Variants in LRFN3 observed in about 807,000 individuals in gnomAD.
LRFN3 encodes the protein leucine-rich repeat and fibronectin type-III domain-containing protein 3.
In LRFN3, 8 loss-of-function variants were observed where a neutral mutation model predicts 23.8. The ratio of observed to expected loss-of-function variants is 0.34; its 90% CI spans 0.20 to 0.61. The LOEUF is 0.61. LRFN3 is among the 20% of genes least tolerant of loss of function. The pLI is 0.80. For missense variants in LRFN3, 736 were observed against 935.3 expected (o/e 0.79, Z 2.78); for synonymous variants, 451 against 450.6 (o/e 1.00, Z -0.01).
chr19:35,940,313 C>T lies in LRFN3; in HGVS notation c.888C>T (p.Pro296=), dbSNP rs373435929. Reference sequence around the variant, plus strand: ...AGGAGGAGTTTGTCTGCGAGCCGCCCGTGGTGACTCACCGCTCACCACCTC... The same window carrying T: ...AGGAGGAGTTTGTCTGCGAGCCGCCTGTGGTGACTCACCGCTCACCACCTC... ...VGEEEFVCEP[P]VVTHRSPPLA... Residue 296 remains proline, a synonymous_variant, in exon 2 of 3, where the codon CCC becomes CCT. Coordinates refer to ENST00000246529, the MANE Select transcript of LRFN3 (RefSeq NM_024509.2). 1.1e-4 allele frequency: 180 copies of T among 1,588,652 alleles called. No homozygotes were observed. The highest frequency in any genetic ancestry group is 6.0e-4 in the African/African-American group (45 of 74,814).
rs761204936 is a variant in LRFN3 at position 35,944,946 on chromosome 19, C to A, written c.1814C>A (p.Ala605Glu). The A allele has an allele frequency of 6.7e-5, 99 of 1,484,370 alleles. 1 individual carries two copies. Among genetic ancestry groups the A allele is most frequent in the Non-Finnish European group, 8.7e-5 (98 of 1,128,824 alleles). The allele number at this position is 1,484,370 out of a possible 1,614,324, so 91.9% of individuals were successfully genotyped here. A position where few individuals can be genotyped will look rare whatever the true frequency, so the allele number is the denominator to read the frequency against. ...GCCCCGCCCGCCCCGGAGCCCGCGG[C>A]GCTCAGGGCCCACACCGTGGTCCAG... The part of the protein sequence containing the change: ...TPAPPAPEPA[A>E]LRAHTVVQLD... Residue 605 changes from alanine to glutamate, a missense_variant, in exon 3 of 3, where the codon GCG becomes GAG. Around this residue, in one of 2 missense-constraint regions of LRFN3, gnomAD observed 290 missense variants for 287.4 expected, o/e 1.01. Coordinates refer to ENST00000246529, the MANE Select transcript of LRFN3 (RefSeq NM_024509.2). This position sits in a 1 kb window ranked among gnomAD's most constrained non-coding sequence, Gnocchi z 4.5.
At chr19:35,937,699 C>T (rs1432204000) in intron 1 of LRFN3, 144 bp downstream of exon 1, 1 of 153,274 alleles carries the variant, frequency 6.5e-6, no homozygotes, top group African/African-American at 2.4e-5. Context: ...AGCTCCTGCT[C>T]TGCTCCAAAC....
Position 35,945,888 on chromosome 19 carries a change from G to A in LRFN3, c.*869G>A, listed in dbSNP as rs1199453294. On this transcript the variant is annotated 3_prime_UTR_variant, in exon 3 of 3. Transcript: ENST00000246529. ...GTGCTATGAGTAGGGTGGACCCAAG[G>A]GGAAGACTGAAGCTGGGAGCCCCAG... is the stretch of plus-strand genomic sequence containing the variant. The A allele has an allele frequency of 6.6e-6, 1 of 152,342 alleles. No homozygotes were observed. The highest frequency in any genetic ancestry group is 2.4e-5 in the African/African-American group (1 of 41,390). 9.4% of individuals were successfully genotyped at this position (152,342 alleles called of 1,614,324 possible). A position where few individuals can be genotyped will look rare whatever the true frequency, so the allele number is the denominator to read the frequency against.
intron 1 of LRFN3, among the ~76,000 whole-genome samples, chr19:35,938,889 G>C (rs1976085295): frequency 1.3e-5 from 2 of 152,090 alleles, no homozygotes; most frequent in African/African-American, 4.8e-5. Flanking sequence ...TACCATCTCT[G>C]ACCACGTCTA....
rs376110830 is a variant in LRFN3 at position 35,944,862 on chromosome 19, C to A, written c.1730C>A (p.Ala577Glu). The A allele has an allele frequency of 6.2e-7, 1 of 1,600,804 alleles. No homozygotes were observed. Among genetic ancestry groups the A allele is most frequent in the South Asian group, 1.1e-5 (1 of 90,834 alleles). Residue 577 changes from alanine to glutamate, a missense_variant, in exon 3 of 3, where the codon GCG becomes GAG. Physicochemically the swap from Ala to Glu is moderately radical, Grantham distance 107. Around this residue, in one of 2 missense-constraint regions of LRFN3, gnomAD observed 290 missense variants for 287.4 expected, o/e 1.01. Coordinates refer to ENST00000246529, the MANE Select transcript of LRFN3 (RefSeq NM_024509.2). This position sits in a 1 kb window ranked among gnomAD's most constrained non-coding sequence, Gnocchi z 4.5. ...GQPPGKAKIPAPVSSVCSQTN... is the reference protein window; with the variant it reads ...GQPPGKAKIPEPVSSVCSQTN... ...CCCCCCGGCAAGGCCAAGATTCCCG[C>A]GCCTGTTAGCAGCGTTTGCTCCCAG...
rs962181075 is a variant in LRFN3, at chr19:35,945,815, T to C, written c.*796T>C. The stretch of plus-strand genomic sequence containing the variant: ...TACCAGGGAGCCATGGAGGGTTGTA[T>C]GCAAGGGAGGAATGGGGTCAGTTTG... On this transcript the variant is annotated 3_prime_UTR_variant, in exon 3 of 3. Transcript: ENST00000246529. 6.6e-6 allele frequency: 1 copy of C among 152,322 alleles called. No individual in the cohort carries two copies. Among genetic ancestry groups the C allele is most frequent in the Non-Finnish European group, 1.5e-5 (1 of 68,310 alleles). 9.4% of individuals were successfully genotyped at this position (152,322 alleles called of 1,614,324 possible). A position where few individuals can be genotyped will look rare whatever the true frequency, so the allele number is the denominator to read the frequency against.
At position 35,940,635 on chromosome 19, in the gene LRFN3, G is replaced by A. The variant is rs538678134; in HGVS notation, c.1210G>A (p.Asp404Asn). 1.3e-4 allele frequency: 217 copies of A among 1,610,356 alleles called. 3 individuals are homozygous for A. In the South Asian group the frequency reaches 2.2e-3, roughly 17 times the overall value. The change falls in exon 2 of 3, where the codon GAT becomes AAT. Residue 404 changes from aspartate (D) to asparagine (N), a missense_variant. Asp to Asn is a conservative substitution (Grantham distance 23, BLOSUM62 1). Coordinates refer to ENST00000246529, the MANE Select transcript of LRFN3 (RefSeq NM_024509.2). ...STSCDPPRDG[D>N]PDALTPPSAA... ...CAGCTGTGACCCCCCGCGGGACGGG[G>A]ATCCTGATGCTCTCACCCCACCCTC...
rs1379339428 is a variant in LRFN3, at chr19:35,936,617, C to G, written c.-955C>G. On this transcript the variant is annotated 5_prime_UTR_variant, in exon 1 of 3. Transcript: ENST00000246529. ...CGCCCCACCCGGCCCTGGGGCTGCC[C>G]GGTCGCCCCCCTCCCCACCGCAGCC... is the stretch of plus-strand genomic sequence containing the variant. The G allele has an allele frequency of 6.6e-6, 1 of 152,534 alleles. No homozygotes were observed. Among genetic ancestry groups the G allele is most frequent in the Non-Finnish European group, 1.5e-5 (1 of 68,436 alleles). The allele number at this position is 152,534 out of a possible 1,614,324, so 9.4% of individuals were successfully genotyped here. A position where few individuals can be genotyped will look rare whatever the true frequency, so the allele number is the denominator to read the frequency against.
Position 35,945,130 on chromosome 19 carries a change from G to C in LRFN3, c.*111G>C, listed in dbSNP as rs1976165391. On this transcript the variant is annotated 3_prime_UTR_variant, in exon 3 of 3. Coordinates refer to ENST00000246529, the MANE Select transcript of LRFN3 (RefSeq NM_024509.2). ...AATCGCTCATGGTTTTTAAAACTCT[G>C]ATGGGGAGGGTGTCGGGGACACCGG... The C allele has an allele frequency of 1.6e-6, 1 of 618,916 alleles. No individual in the cohort carries two copies. Among genetic ancestry groups the C allele is most frequent in the Admixed American group, 4.3e-5 (1 of 23,442 alleles). 38.3% of individuals were successfully genotyped at this position (618,916 alleles called of 1,614,324 possible).
In LRFN3 at chr19:35,939,655, G is replaced by A. The variant is rs764222042; in HGVS notation, c.230G>A (p.Arg77His). ...ADNFIASVRR[R>H]DLANMTGLLH... ...AACTTCATCGCCTCCGTGCGCCGCC[G>A]CGACCTGGCCAACATGACAGGCCTG... Residue 77 changes from arginine to histidine, a missense_variant, in exon 2 of 3, where the codon CGC becomes CAC. Coordinates refer to ENST00000246529, the MANE Select transcript of LRFN3 (RefSeq NM_024509.2). This position sits in a 1 kb window ranked among gnomAD's most constrained non-coding sequence, Gnocchi z 6.4. 3.1e-6 allele frequency: 5 copies of A among 1,608,076 alleles called. No individual in the cohort carries two copies. The highest frequency in any genetic ancestry group is 4.2e-6 in the Non-Finnish European group (5 of 1,179,358).
chr19:35,946,349 T>TC lies in LRFN3; in HGVS notation c.*1330_*1331insC, dbSNP rs982184222. Among the ~76,000 whole-genome samples, 1 of 151,850 alleles carries TC rather than the reference T, an allele frequency of 6.6e-6. No individual in the cohort carries two copies. Among genetic ancestry groups the TC allele is most frequent in the African/African-American group, 2.4e-5 (1 of 41,282 alleles). On this transcript the variant is annotated 3_prime_UTR_variant, in exon 3 of 3. Transcript: ENST00000246529. The stretch of plus-strand genomic sequence containing the variant: ...GGGACATTTTTTCTTTTTTCTTTTT[T>TC]TTTTTTACAGATGGGGTCTCACTAT...
chr19:35,943,923 G>C (rs550258132), intron 2 of LRFN3, among the ~76,000 whole-genome samples: 1 of 152,190 alleles, frequency 6.6e-6, no homozygotes, highest in Admixed American at 6.5e-5. Context: ...GGTGGCTCAC[G>C]CCTGTAATCC....
At position 35,945,213 on chromosome 19, in the gene LRFN3, C is replaced by CT. The variant is rs1976166209; in HGVS notation, c.*195dup. 2.2e-6 allele frequency: 1 copy of CT among 459,070 alleles called. No homozygotes were observed. The highest frequency in any genetic ancestry group is 3.8e-6 in the Non-Finnish European group (1 of 263,562). The allele number at this position is 459,070 out of a possible 1,614,324, so 28.4% of individuals were successfully genotyped here. A position where few individuals can be genotyped will look rare whatever the true frequency, so the allele number is the denominator to read the frequency against. ...TGGGCGAAGACCCTTGCCCTCGTCTCTGTCTATGGGGGTTGGGGGACGGAG... is the reference window on the plus strand; with the variant it reads ...TGGGCGAAGACCCTTGCCCTCGTCTCTTGTCTATGGGGGTTGGGGGACGGAG... On this transcript the variant is annotated 3_prime_UTR_variant, in exon 3 of 3. Transcript: ENST00000246529.
Position 35,943,473 on chromosome 19 carries a change from G to T in LRFN3, c.1416-1075G>T, listed in dbSNP as rs184735506. Among the ~76,000 whole-genome samples, 7 of 152,270 alleles carry T rather than the reference G, an allele frequency of 4.6e-5. No homozygotes were observed. The East Asian group carries it at 1.3e-3, about 29-fold the overall frequency. Reference sequence around the variant, plus strand: ...AATAGGGCTAGGGGGACATTTATTGGCAGGTTACAAGGAAATCGGGCAACA... The same window carrying T: ...AATAGGGCTAGGGGGACATTTATTGTCAGGTTACAAGGAAATCGGGCAACA... On this transcript the variant is annotated intron_variant, in intron 2 of 2. Transcript: ENST00000246529.
Position 35,940,453 on chromosome 19 carries a change from C to T in LRFN3, c.1028C>T (p.Ala343Val). 6.2e-7 allele frequency: 1 copy of T among 1,606,460 alleles called. No homozygotes were observed. The highest frequency in any genetic ancestry group is 8.5e-7 in the Non-Finnish European group (1 of 1,178,828). ...QGRLLGNSSRARAFPNGTLEL... is the reference protein window; with the variant it reads ...QGRLLGNSSRVRAFPNGTLEL... ...CGGCTGCTAGGCAACTCAAGCCGTG[C>T]CCGCGCCTTCCCCAATGGGACGCTG... Residue 343 changes from alanine (A) to valine (V), a missense_variant, in exon 2 of 3, where the codon GCC (alanine) becomes GTC (valine). Around this residue, in one of 2 missense-constraint regions of LRFN3, gnomAD observed 446 missense variants for 647.9 expected, o/e 0.69. Coordinates refer to ENST00000246529, the MANE Select transcript of LRFN3 (RefSeq NM_024509.2).
At chr19:35,941,509 C>A (rs1298253264) in intron 2 of LRFN3, among the ~76,000 whole-genome samples, 1 of 152,042 alleles carries the variant, frequency 6.6e-6, no homozygotes, top group Non-Finnish European at 1.5e-5. Flanking sequence ...TCGATAGAGA[C>A]TGGGCTTCGG....
At position 35,946,343 on chromosome 19, in the gene LRFN3, C is replaced by CT. The variant is rs71836568; in HGVS notation, c.*1336dup. ...CACTATGGGACATTTTTTCTTTTTTCTTTTTTTTTTTTACAGATGGGGTCT... is the reference window on the plus strand; with the variant it reads ...CACTATGGGACATTTTTTCTTTTTTCTTTTTTTTTTTTTACAGATGGGGTCT... On this transcript the variant is annotated 3_prime_UTR_variant, in exon 3 of 3. Transcript: ENST00000246529. Among the ~76,000 whole-genome samples, 9,536 of 144,518 alleles carry CT rather than the reference C, an allele frequency of 0.066. 625 individuals carry two copies. Among genetic ancestry groups the CT allele is most frequent in the African/African-American group, 0.18 (7,002 of 39,482 alleles). The allele number at this position is 144,518 out of a possible 152,430, so 94.8% of individuals were successfully genotyped here. A position where few individuals can be genotyped will look rare whatever the true frequency, so the allele number is the denominator to read the frequency against.
chr19:35,943,363 G>A (rs535822422), intron 2 of LRFN3, among the ~76,000 whole-genome samples: 48 of 152,292 alleles, frequency 3.2e-4, no homozygotes, highest in African/African-American at 9.1e-4. Context: ...CAGTAGTGAC[G>A]GAGGCACATT....
In LRFN3 at chr19:35,940,304, C is replaced by T. The variant is rs1976103067; in HGVS notation, c.879C>T (p.Cys293=). The T allele has an allele frequency of 4.4e-6, 7 of 1,592,024 alleles. No homozygotes were observed. The highest frequency in any genetic ancestry group is 6.0e-6 in the Non-Finnish European group (7 of 1,173,028). The change falls in exon 2 of 3, where the codon TGC becomes TGT. Residue 293 remains cysteine (C), a synonymous_variant. Coordinates refer to ENST00000246529, the MANE Select transcript of LRFN3 (RefSeq NM_024509.2). ...CGGTGGGCGAGGAGGAGTTTGTCTG[C>T]GAGCCGCCCGTGGTGACTCACCGCT... is the stretch of plus-strand genomic sequence containing the variant. ...FWAVGEEEFV[C]EPPVVTHRSP... is the part of the protein sequence containing the mutation.
Sources: allele counts gnomAD v4.1 joint callset (sites outside exome capture counted in the v4.1 genomes callset), GRCh38; gene constraint gnomAD v4.1.1; regional missense constraint gnomAD v4.1.1; non-coding constraint Gnocchi (gnomAD v3.1); transcripts MANE v1.5; gene names NCBI Gene and HGNC (gene_info 2026-07-23, HGNC 2026-07-21).